The following UBN2 variants were observed in gnomAD, a reference collection of about 807,000 sequenced individuals.
UBN2 encodes ubinuclein-2.
Under a neutral mutation model 120.2 loss-of-function variants are expected in UBN2, and 35 were observed. That is an observed-to-expected ratio of 0.29 (90% CI 0.22 to 0.39). UBN2 has a LOEUF of 0.39. Among genes scored for constraint, UBN2 ranks in the 10% least tolerant of loss-of-function variants. The probability of loss-of-function intolerance (pLI) is 1.00; values close to 1 mark genes in which losing one functional copy is unlikely to be tolerated. For synonymous variants in UBN2, 661 were observed against 648.7 expected (o/e 1.02, Z -0.29); for missense variants, 1,693 against 1,663.2 (o/e 1.02, Z -0.31).
intron 2 of UBN2, among the ~76,000 whole-genome samples, chr7:139,250,525 C>T (rs1292581274): frequency 2.0e-5 from 3 of 151,026 alleles, no homozygotes; most frequent in South Asian, 2.1e-4. Flanking sequence ...TGAGGCACTG[C>T]GTCCGGCCCA....
At chr7:139,282,775 A>T (rs1191812759) in intron 14 of UBN2, among the ~76,000 whole-genome samples, 2 of 152,134 alleles carry the variant, frequency 1.3e-5, no homozygotes, top group African/African-American at 2.4e-5. Flanking sequence ...TGTAACTAGT[A>T]TATGAATGTT....
chr7:139,321,257 G>A, the UBN2 span, among the ~76,000 whole-genome samples: 2 of 152,222 alleles, frequency 1.3e-5, no homozygotes, highest in African/African-American at 2.4e-5. Context: ...TGGCCGTGGC[G>A]GAATGTGAGA....
chr7:139,303,867 CTAAGTT>C lies in UBN2; in HGVS notation c.*6037_*6042del, dbSNP rs1798312722. 1.3e-5 allele frequency: 2 copies of C among 152,044 alleles called. No individual in the cohort carries two copies. Among genetic ancestry groups the C allele is most frequent in the African/African-American group, 4.8e-5 (2 of 41,396 alleles). 9.4% of individuals were successfully genotyped at this position (152,044 alleles called of 1,614,324 possible). ...AGGTTAACAAGGGAGAGAAATAACA[CTAAGTT>C]TAAGTAGTTTTTTTTAGCCTTTTAC... On this transcript the variant is annotated 3_prime_UTR_variant, in exon 18 of 18. Transcript: ENST00000473989.
chr7:139,259,813 A>G (rs924296460), intron 5 of UBN2, among the ~76,000 whole-genome samples: 13 of 152,172 alleles, frequency 8.5e-5, no homozygotes, highest in African/African-American at 2.9e-4. Context: ...CAGTCCCACA[A>G]TCTAGGCTCA....
chr7:139,321,325 G>A, the UBN2 span, among the ~76,000 whole-genome samples: 1 of 152,258 alleles, frequency 6.6e-6, no homozygotes, highest in Non-Finnish European at 1.5e-5. Flanking sequence ...CCAGGCAGGA[G>A]GGGGTGGGTG....
the UBN2 span, among the ~76,000 whole-genome samples, chr7:139,319,879 A>G: frequency 1.3e-5 from 2 of 152,084 alleles, no homozygotes; most frequent in African/African-American, 4.8e-5. Context: ...GATGGCGACC[A>G]TCCTGGCTAA....
intron 2 of UBN2, among the ~76,000 whole-genome samples, chr7:139,250,761 A>G (rs1796603536): frequency 6.6e-6 from 1 of 151,956 alleles, no homozygotes; most frequent in African/African-American, 2.4e-5. Context: ...TTTTACATGC[A>G]CTCATTTTTC....
chr7:139,263,436 G>C (rs1028397989), intron 6 of UBN2, among the ~76,000 whole-genome samples: 1 of 152,052 alleles, frequency 6.6e-6, no homozygotes, highest in African/African-American at 2.4e-5. Flanking sequence ...TTATCAGTTG[G>C]TTGGAAATCA....
intron 3 of UBN2, among the ~76,000 whole-genome samples, chr7:139,256,257 G>A (rs145998323): frequency 2.0e-5 from 3 of 152,304 alleles, no homozygotes; most frequent in Middle Eastern, 3.4e-3. Flanking sequence ...ACGTGAAGCT[G>A]CTTGGAAGAA....
Position 139,237,065 on chromosome 7 carries a change from G to T in UBN2, c.529G>T (p.Glu177Ter). 1 of 1,610,862 alleles carries T rather than the reference G, an allele frequency of 6.2e-7. No individual in the cohort carries two copies. Among genetic ancestry groups the T allele is most frequent in the South Asian group, 1.1e-5 (1 of 90,946 alleles). Residue 177 changes from glutamate to a stop codon, truncating the protein, a stop_gained, in exon 2 of 18, where the codon GAA becomes TAA. Coordinates refer to ENST00000473989, the MANE Select transcript of UBN2 (RefSeq NM_173569.4). LOFTEE classifies it high-confidence loss of function. Reference protein sequence around the residue: ...NDEHQERQEVEMLAKKFEMKY... With the variant: ...NDEHQERQEV ...TGAACATCAGGAGAGGCAAGAGGTG[G>T]AAATGTTGGCTAAGAAGTTTGAAAT...
rs1468007185 is a variant in UBN2 at position 139,300,778 on chromosome 7, C to T, written c.*2942C>T. On this transcript the variant is annotated 3_prime_UTR_variant, in exon 18 of 18. Coordinates refer to ENST00000473989, the MANE Select transcript of UBN2 (RefSeq NM_173569.4). ...GCTGTTACTGTACATACAAGTTAAT[C>T]CTCAGTATTCACAAGCAATAACAGT... is the stretch of plus-strand genomic sequence containing the variant. 3 of 152,154 alleles carry T rather than the reference C, an allele frequency of 2.0e-5. No homozygotes were observed. The highest frequency in any genetic ancestry group is 2.9e-5 in the Non-Finnish European group (2 of 68,014). 9.4% of individuals were successfully genotyped at this position (152,154 alleles called of 1,614,324 possible). A position where few individuals can be genotyped will look rare whatever the true frequency, so the allele number is the denominator to read the frequency against.
rs779086058 is a variant in UBN2, at chr7:139,258,557, C to G, written c.733C>G (p.Gln245Glu). 1 of 1,607,074 alleles carries G rather than the reference C, an allele frequency of 6.2e-7. No homozygotes were observed. The highest frequency in any genetic ancestry group is 1.1e-5 in the South Asian group (1 of 90,082). Residue 245 changes from glutamine (Q) to glutamate (E), a missense_variant, in exon 4 of 18, where the codon CAG becomes GAG. This residue lies in a region of UBN2 where 663 missense variants were observed against 591.2 expected (regional missense o/e 1.12). Transcript: ENST00000473989. ...GGFYINTGTL[Q>E]FRQASDTEED... Reference sequence around the variant, plus strand: ...CTTTTATATCAACACTGGCACTCTACAGTTTCGCCAAGCTTCAGATACTGA... The same window carrying G: ...CTTTTATATCAACACTGGCACTCTAGAGTTTCGCCAAGCTTCAGATACTGA...
chr7:139,315,372 A>G, the UBN2 span: 1 of 152,192 alleles, frequency 6.6e-6, no homozygotes, highest in Non-Finnish European at 1.5e-5. Flanking sequence ...CAGTTTTAGT[A>G]TATGTGCCGC....
At position 139,272,314 on chromosome 7, in the gene UBN2, C is replaced by T; in HGVS notation, c.1597-8C>T. On this transcript the variant is annotated splice_polypyrimidine_tract_variant and splice_region_variant and intron_variant, in intron 8 of 17. Transcript: ENST00000473989. ...TGATAAAAACTTCTAGTATGTTTTTCTTTTTAGGATGATCGTTTAAGAGAA... is the reference window on the plus strand; with the variant it reads ...TGATAAAAACTTCTAGTATGTTTTTTTTTTTAGGATGATCGTTTAAGAGAA... The T allele has an allele frequency of 1.3e-6, 2 of 1,598,806 alleles. No individual in the cohort carries two copies.
Position 139,241,829 on chromosome 7 carries a change from C to T in UBN2, c.561+4732C>T, listed in dbSNP as rs1008460426. On this transcript the variant is annotated intron_variant, in intron 2 of 17. Coordinates refer to ENST00000473989, the MANE Select transcript of UBN2 (RefSeq NM_173569.4). The stretch of plus-strand genomic sequence containing the variant: ...GGCCAACATGGTGAAACCTTTCTAT[C>T]TCTACTAAAAATACAAAAATTAGCT... Among the ~76,000 whole-genome samples, 2 of 152,128 alleles carry T rather than the reference C, an allele frequency of 1.3e-5. 1 individual carries two copies. The highest frequency in any genetic ancestry group is 4.1e-4 in the South Asian group (2 of 4,822).
intron 2 of UBN2, among the ~76,000 whole-genome samples, chr7:139,243,020 A>C (rs963635645): frequency 6.6e-6 from 1 of 152,120 alleles, no homozygotes; most frequent in African/African-American, 2.4e-5. Context: ...TGTCTACTAG[A>C]GGTTATCAAT....
intron 6 of UBN2, among the ~76,000 whole-genome samples, chr7:139,264,614 C>T (rs1797037361): frequency 2.6e-5 from 4 of 152,100 alleles, no homozygotes; most frequent in Non-Finnish European, 2.9e-5. Context: ...GCTCTGTCCC[C>T]AGGTTGGAGT....
chr7:139,264,682 G>A (rs565739509), intron 6 of UBN2, among the ~76,000 whole-genome samples: 39 of 152,148 alleles, frequency 2.6e-4, no homozygotes, highest in African/African-American at 6.0e-4. Context: ...TCCGCCTCCC[G>A]GGTTCAAGCA....
the UBN2 span, among the ~76,000 whole-genome samples, chr7:139,315,981 G>A: frequency 1.5e-4 from 22 of 150,538 alleles, no homozygotes; most frequent in Non-Finnish European, 2.8e-4. Context: ...GGAGGCTGAG[G>A]CAGGAGAATC....
Sources: allele counts gnomAD v4.1 joint callset (sites outside exome capture counted in the v4.1 genomes callset), GRCh38; gene constraint gnomAD v4.1.1; regional missense constraint gnomAD v4.1.1; transcripts MANE v1.5; gene names NCBI Gene and HGNC (gene_info 2026-07-23, HGNC 2026-07-21).